Variants in RAE1 observed in about 807,000 individuals in gnomAD.
RAE1 encodes mRNA export factor RAE1.
In RAE1, 13 loss-of-function variants were observed where a neutral mutation model predicts 52.7. That is an observed-to-expected ratio of 0.25 (90% CI 0.16 to 0.39). RAE1 has a LOEUF of 0.39. Among genes scored for constraint, RAE1 ranks in the 10% least tolerant of loss-of-function variants. RAE1 has a pLI of 1.00. For missense variants in RAE1, 262 were observed against 459.8 expected (o/e 0.57, Z 3.93); for synonymous variants, 164 against 153.1 (o/e 1.07, Z -0.52).
intron 2 of RAE1, among the ~76,000 whole-genome samples, chr20:57,354,415 G>T (rs2066754900): frequency 1.3e-5 from 2 of 152,260 alleles, no homozygotes; most frequent in African/African-American, 4.8e-5. Context: ...CATGGTTGGA[G>T]AGAGGGGATG....
intron 4 of RAE1, among the ~76,000 whole-genome samples, chr20:57,362,432 G>A (rs562805796): frequency 6.6e-5 from 10 of 152,204 alleles, no homozygotes; most frequent in Non-Finnish European, 1.5e-4. Flanking sequence ...TTTACACACA[G>A]AAAAGTAGCA....
rs1600730201 is a variant in RAE1, at chr20:57,375,600, G to C, written c.1020+799G>C. 3.3e-5 allele frequency among the ~76,000 whole-genome samples: 5 copies of C among 152,130 alleles called. 1 individual carries two copies. The highest frequency in any genetic ancestry group is 3.3e-4 in the Admixed American group (5 of 15,288). ...CCCCGTCCACCAGCTCCTCCCCTCTGTCTAAGCATGGAAGGCTCGAGGAAC... is the reference window on the plus strand; with the variant it reads ...CCCCGTCCACCAGCTCCTCCCCTCTCTCTAAGCATGGAAGGCTCGAGGAAC... On this transcript the variant is annotated intron_variant, in intron 11 of 11. Coordinates refer to ENST00000395841, the MANE Select transcript of RAE1 (RefSeq NM_003610.4).
intron 8 of RAE1, chr20:57,371,976 A>C (rs1445338666): frequency 2.6e-5 from 4 of 152,296 alleles, no homozygotes. Context: ...ATAGACTCAC[A>C]GAAGTAAAGG....
At chr20:57,363,349 C>CA (rs1299926673) in intron 4 of RAE1, among the ~76,000 whole-genome samples, 5 of 152,036 alleles carry the variant, frequency 3.3e-5, no homozygotes, top group Admixed American at 6.6e-5. Flanking sequence ...CCGGTCTCTA[C>CA]AAAAAATAGA....
At chr20:57,366,382 C>T (rs1019033516) in intron 5 of RAE1, among the ~76,000 whole-genome samples, 6 of 152,082 alleles carry the variant, frequency 3.9e-5, no homozygotes, top group East Asian at 3.9e-4. Context: ...AGTATGGTGC[C>T]GGCATCTGCT....
At chr20:57,361,529 A>G (rs894879935) in intron 4 of RAE1, among the ~76,000 whole-genome samples, 1 of 152,184 alleles carries the variant, frequency 6.6e-6, no homozygotes, top group South Asian at 2.1e-4. Flanking sequence ...ATTCGGAAAT[A>G]GTTCTTGAAA....
chr20:57,366,199 T>C (rs1445573079), intron 5 of RAE1, among the ~76,000 whole-genome samples: 2 of 152,104 alleles, frequency 1.3e-5, no homozygotes, highest in African/African-American at 2.4e-5. Flanking sequence ...TAATTATGAG[T>C]AAAAAAATTA....
chr20:57,351,929 A>G (rs1201023057), intron 1 of RAE1: 5 of 985,428 alleles, frequency 5.1e-6, no homozygotes, highest in Admixed American at 6.1e-5. Context: ...GGCAAGTAGT[A>G]TTAAACACCA....
At position 57,374,774 on chromosome 20, in the gene RAE1, A is replaced by C. The variant is rs1006466306; in HGVS notation, c.993A>C (p.Ala331=). The C allele has an allele frequency of 6.8e-6, 11 of 1,614,076 alleles. No individual in the cohort carries two copies. The highest frequency in any genetic ancestry group is 9.3e-6 in the Non-Finnish European group (11 of 1,180,052). The stretch of plus-strand genomic sequence containing the variant: ...TCAATCACAATGGAAACATATTTGC[A>C]TACGCTTCCAGCTACGACTGGTCAA... ...CCFNHNGNIF[A]YASSYDWSKG... Residue 331 remains alanine, a synonymous_variant, in exon 11 of 12, where the codon GCA becomes GCC. Coordinates refer to ENST00000395841, the MANE Select transcript of RAE1 (RefSeq NM_003610.4).
intron 4 of RAE1, chr20:57,359,054 A>G (rs755078549): frequency 6.7e-7 from 1 of 1,494,572 alleles, no homozygotes; most frequent in Non-Finnish European, 8.9e-7. Flanking sequence ...TCAAGTCCCT[A>G]TTTAGAGAAC....
At position 57,368,752 on chromosome 20, in the gene RAE1, C is replaced by T. The variant is rs2066992956; in HGVS notation, c.582C>T (p.Val194=). Residue 194 remains valine (V), a synonymous_variant, in exon 8 of 12, where the codon GTC becomes GTT. Transcript: ENST00000395841. Reference sequence around the variant, plus strand: ...CAACTGCAGAGAGGGGCCTGATTGTCTATCAGCTAGAGAATCAACCTTCTG... The same window carrying T: ...CAACTGCAGAGAGGGGCCTGATTGTTTATCAGCTAGAGAATCAACCTTCTG... The part of the protein sequence containing the change: ...VVATAERGLI[V]YQLENQPSEF... 2 of 1,613,812 alleles carry T rather than the reference C, an allele frequency of 1.2e-6. No homozygotes were observed. The highest frequency in any genetic ancestry group is 1.1e-5 in the South Asian group (1 of 90,956).
At chr20:57,356,566 C>T in intron 4 of RAE1, 28 bp downstream of exon 4, 2 of 1,558,204 alleles carry the variant, frequency 1.3e-6, no homozygotes, top group Non-Finnish European at 1.8e-6. Flanking sequence ...TCTCGTGTTC[C>T]ATTTTACTTA....
At chr20:57,356,649 C>T in intron 4 of RAE1, 111 bp downstream of exon 4, 1 of 1,008,240 alleles carries the variant, frequency 9.9e-7, no homozygotes, top group Non-Finnish European at 1.4e-6. Context: ...TGTAGGAATT[C>T]TAAGTTTCTG....
At position 57,378,936 on chromosome 20, in the gene RAE1, T is replaced by C. The variant is rs887424228; in HGVS notation, c.*837T>C. ...CCCTGAACCCTCAGTAGTGGTTGTTTGGCTGTTCTTTTGTATTTTGTGTAA... is the reference window on the plus strand; with the variant it reads ...CCCTGAACCCTCAGTAGTGGTTGTTCGGCTGTTCTTTTGTATTTTGTGTAA... On this transcript the variant is annotated 3_prime_UTR_variant, in exon 12 of 12. Coordinates refer to ENST00000395841, the MANE Select transcript of RAE1 (RefSeq NM_003610.4). 1 of 152,254 alleles carries C rather than the reference T, an allele frequency of 6.6e-6. No homozygotes were observed. The highest frequency in any genetic ancestry group is 1.5e-5 in the Non-Finnish European group (1 of 68,048). The allele number at this position is 152,254 out of a possible 1,614,324, so 9.4% of individuals were successfully genotyped here. A position where few individuals can be genotyped will look rare whatever the true frequency, so the allele number is the denominator to read the frequency against.
chr20:57,351,648 G>C (rs2066710887), intron 1 of RAE1: 1 of 985,458 alleles, frequency 1.0e-6, no homozygotes, highest in Admixed American at 6.1e-5. Context: ...GAGCCTCTGG[G>C]AAGGGTCACA....
chr20:57,351,451 G>A (rs2066707101), intron 1 of RAE1, 29 bp downstream of exon 1: 1 of 985,374 alleles, frequency 1.0e-6, no homozygotes, highest in South Asian at 4.7e-5. Context: ...GCGTCCCGTC[G>A]TTAACCGCCG....
At chr20:57,354,922 T>A in intron 3 of RAE1, 106 bp downstream of exon 3, 1 of 804,176 alleles carries the variant, frequency 1.2e-6, no homozygotes, top group Non-Finnish European at 1.9e-6. Context: ...TGGACTTATT[T>A]ATGGCCTTTT....
At position 57,368,756 on chromosome 20, in the gene RAE1, CAGCT is replaced by C; in HGVS notation, c.589_592del (p.Leu197ArgfsTer10). 1 of 1,613,794 alleles carries C rather than the reference CAGCT, an allele frequency of 6.2e-7. No individual in the cohort carries two copies. The highest frequency in any genetic ancestry group is 8.5e-7 in the Non-Finnish European group (1 of 1,179,918). On this transcript the variant is annotated frameshift_variant, in exon 8 of 12. Transcript: ENST00000395841. LOFTEE classifies it high-confidence loss of function. ...TGCAGAGAGGGGCCTGATTGTCTATCAGCTAGAGAATCAACCTTCTGAATTCAGG... is the reference window on the plus strand; with the variant it reads ...TGCAGAGAGGGGCCTGATTGTCTATCAGAGAATCAACCTTCTGAATTCAGG...
At chr20:57,353,941 G>A in intron 1 of RAE1, 91 bp from the exon 2 acceptor site, 1 of 1,154,052 alleles carries the variant, frequency 8.7e-7, no homozygotes, top group Non-Finnish European at 1.3e-6. Context: ...GCCACTTTGA[G>A]TATTTCTCTT....
Sources: gnomAD v4.1 joint callset for allele counts (sites outside exome capture counted in the v4.1 genomes callset) on GRCh38, gnomAD v4.1.1 for gene constraint, MANE v1.5 for transcripts, NCBI Gene and HGNC (gene_info 2026-07-23, HGNC 2026-07-21) for gene names.